Variants in ZFHX3 observed in about 807,000 individuals in gnomAD.
ZFHX3 encodes zinc finger homeobox 3.
A neutral mutation model predicts 279.1 loss-of-function variants in ZFHX3; 42 were observed. The ratio of observed to expected loss-of-function variants is 0.15; its 90% CI spans 0.12 to 0.19. ZFHX3 has a LOEUF of 0.19. ZFHX3 is among the 10% of genes least tolerant of loss of function. The pLI, the probability that ZFHX3 is intolerant of heterozygous loss-of-function variation, is 1.00. For missense variants in ZFHX3, 4,981 were observed against 4,754.0 expected, an observed-to-expected ratio of 1.05 and a Z score of -1.40; for synonymous variants, 2,293 against 1,957.8, an observed-to-expected ratio of 1.17 and a Z score of -4.52.
intron 6 of ZFHX3, chr16:73,131,158 A>G: frequency 2.3e-6 from 1 of 437,088 alleles, no homozygotes; most frequent in Admixed American, 2.8e-5. Context: ...CAATGAAAGA[A>G]CATATGAAAA....
chr16:72,838,464 T>C (rs12597202), intron 4 of ZFHX3, among the ~76,000 whole-genome samples: 4,746 of 152,222 alleles, frequency 0.031, 509 homozygotes, highest in East Asian at 0.22. Flanking sequence ...AACTTGAGCA[T>C]TGACAGGAGA....
At chr16:73,823,033 C>T (rs944465464) in intron 1 of ZFHX3, among the ~76,000 whole-genome samples, 5 of 152,100 alleles carry the variant, frequency 3.3e-5, no homozygotes, top group Admixed American at 2.0e-4. Context: ...ACGTGGAAGC[C>T]GAATCCCTGC....
At chr16:73,254,158 A>G (rs868567208) in intron 5 of ZFHX3, among the ~76,000 whole-genome samples, 1 of 152,066 alleles carries the variant, frequency 6.6e-6, no homozygotes, top group Non-Finnish European at 1.5e-5. Context: ...CTAACAGGCA[A>G]TGGTTGCTTG....
At chr16:73,849,886 C>T (rs1961551458) in intron 1 of ZFHX3, among the ~76,000 whole-genome samples, 1 of 152,214 alleles carries the variant, frequency 6.6e-6, no homozygotes, top group Non-Finnish European at 1.5e-5. Flanking sequence ...GCACCTGCCA[C>T]CATGCCCGGC....
At chr16:73,080,438 T>C (rs544429779) in intron 8 of ZFHX3, among the ~76,000 whole-genome samples, 20 of 152,342 alleles carry the variant, frequency 1.3e-4, no homozygotes, top group African/African-American at 3.1e-4. Context: ...TAGTCTATGA[T>C]ATTTTGTGAT....
chr16:73,538,673 C>T (rs987208455), intron 2 of ZFHX3, among the ~76,000 whole-genome samples: 1 of 152,138 alleles, frequency 6.6e-6, no homozygotes, highest in African/African-American at 2.4e-5. Flanking sequence ...TCACGTCTGC[C>T]ACATGCCCAT....
At chr16:73,470,708 A>C (rs960775914) in intron 2 of ZFHX3, among the ~76,000 whole-genome samples, 1 of 152,196 alleles carries the variant, frequency 6.6e-6, no homozygotes, top group Non-Finnish European at 1.5e-5. Context: ...CAACAGATAC[A>C]TTTTCAGCGT....
intron 1 of ZFHX3, among the ~76,000 whole-genome samples, chr16:73,785,173 G>A (rs1019924123): frequency 1.3e-5 from 2 of 152,208 alleles, no homozygotes; most frequent in East Asian, 3.9e-4. Flanking sequence ...ACTATTTGCT[G>A]TATACATTAT....
chr16:72,991,660 T>G (rs192755824), intron 1 of ZFHX3, among the ~76,000 whole-genome samples: 1 of 152,230 alleles, frequency 6.6e-6, no homozygotes, highest in Non-Finnish European at 1.5e-5. Context: ...GTCATTTGCA[T>G]AGCAATCCAA....
chr16:73,412,451 T>C (rs2017490138), intron 3 of ZFHX3, among the ~76,000 whole-genome samples: 1 of 152,168 alleles, frequency 6.6e-6, no homozygotes, highest in African/African-American at 2.4e-5. Flanking sequence ...CTTGCTCAGT[T>C]TGTCATGGCC....
At chr16:72,980,443 C>G (rs940969715) in intron 1 of ZFHX3, among the ~76,000 whole-genome samples, 4 of 152,048 alleles carry the variant, frequency 2.6e-5, no homozygotes, top group Non-Finnish European at 5.9e-5. Flanking sequence ...TGAATTGCAA[C>G]TTGGGATTAG....
intron 2 of ZFHX3, among the ~76,000 whole-genome samples, chr16:73,560,879 C>A: frequency 6.6e-6 from 1 of 152,180 alleles, no homozygotes; most frequent in East Asian, 1.9e-4. Context: ...AGGTGGTATT[C>A]TGTTCCTTAT....
intron 8 of ZFHX3, among the ~76,000 whole-genome samples, chr16:73,072,507 C>T (rs1362796956): frequency 1.3e-5 from 2 of 151,182 alleles, no homozygotes; most frequent in African/African-American, 4.9e-5. Flanking sequence ...CCTACTAAGA[C>T]CTAGAGGTGG....
chr16:73,134,456 T>G (rs1966752175), intron 6 of ZFHX3: 1 of 144,858 alleles, frequency 6.9e-6, no homozygotes, highest in South Asian at 2.4e-4. Flanking sequence ...TCAGCCTCCC[T>G]AACAGTTGCG....
At chr16:73,366,034 C>T (rs147018780) in intron 3 of ZFHX3, among the ~76,000 whole-genome samples, 99 of 152,218 alleles carry the variant, frequency 6.5e-4, no homozygotes, top group Middle Eastern at 3.4e-3. Context: ...AAACATCCAG[C>T]TGAAGTGATA....
At chr16:72,836,272 ACT>A (rs2037190121) in intron 4 of ZFHX3, among the ~76,000 whole-genome samples, 1 of 151,932 alleles carries the variant, frequency 6.6e-6, no homozygotes, top group South Asian at 2.1e-4. Context: ...CCTGCCAGTG[ACT>A]CTCCATGAGC....
intron 1 of ZFHX3, among the ~76,000 whole-genome samples, chr16:73,027,374 C>T (rs1293829088): frequency 6.6e-6 from 1 of 152,224 alleles, no homozygotes. Context: ...GCTTGCCTAG[C>T]AAACACCAAA....
chr16:72,917,185 G>A (rs1028446045), intron 3 of ZFHX3, among the ~76,000 whole-genome samples: 6 of 152,192 alleles, frequency 3.9e-5, no homozygotes, highest in African/African-American at 7.2e-5. Context: ...AGGCTACAGC[G>A]AGCCATGATC....
chr16:73,202,044 T>A lies in ZFHX3; in HGVS notation c.-1104+55003A>T, dbSNP rs868416147. 2.0e-4 allele frequency among the ~76,000 whole-genome samples: 30 copies of A among 151,444 alleles called. 1 individual carries two copies. The highest frequency in any genetic ancestry group is 5.3e-4 in the Admixed American group (8 of 15,200). On this transcript the variant is annotated intron_variant, in intron 5 of 17. Coordinates refer to the ZFHX3 transcript ENST00000641206. ...AGAACATAAATCAGTGGGAAGAACA[T>A]TTTTTTTTAACTGTGACTCACAATC... is the stretch of plus-strand genomic sequence containing the variant.
Sources: allele counts gnomAD v4.1 joint callset (sites outside exome capture counted in the v4.1 genomes callset), GRCh38; gene constraint gnomAD v4.1.1; transcripts MANE v1.5; gene names NCBI Gene and HGNC (gene_info 2026-07-23, HGNC 2026-07-21).